Variants in RNGTT observed in about 807,000 individuals in gnomAD.
RNGTT encodes mRNA-capping enzyme.
A neutral mutation model predicts 79.3 loss-of-function variants in RNGTT; 33 were observed. That is an observed-to-expected ratio of 0.42 (90% confidence interval 0.32 to 0.56). The LOEUF is 0.56. Ranked by LOEUF, RNGTT falls within the 20% of genes least tolerant of loss-of-function variation. RNGTT has a pLI of 0.17. For synonymous variants in RNGTT, 222 were observed against 235.9 expected (o/e 0.94, Z 0.54); for missense variants, 497 against 739.1 (o/e 0.67, Z 3.80).
chr6:88,863,292 T>C (rs562876232), intron 8 of RNGTT, among the ~76,000 whole-genome samples: 1 of 152,210 alleles, frequency 6.6e-6, no homozygotes, highest in Non-Finnish European at 1.5e-5. Context: ...GTCTTCTACA[T>C]AAGCATAGCC....
chr6:88,941,240 A>G (rs949177492), intron 1 of RNGTT, 60 bp from the exon 2 acceptor site: 4 of 1,126,918 alleles, frequency 3.5e-6, no homozygotes, highest in Admixed American at 2.1e-5. Flanking sequence ...TTAAAATTCT[A>G]TAATTAACAA....
chr6:88,769,867 T>A lies in RNGTT; in HGVS notation c.1346A>T (p.Lys449Ile), dbSNP rs1293610678. Residue 449 changes from lysine to isoleucine, a missense_variant, in exon 13 of 16, where the codon AAA becomes ATA. By Grantham distance (102) the Lys-to-Ile change is moderately radical. Coordinates refer to ENST00000369485, the MANE Select transcript of RNGTT (RefSeq NM_003800.5). The stretch of plus-strand genomic sequence containing the variant: ...CAAAATATCATCACATCGACCAGGT[T>A]TGTATTTCTAAAGCCAATTAAAATG... ...GLIFQPTGKY[K>I]PGRCDDILKW... 1 of 1,608,090 alleles carries A rather than the reference T, an allele frequency of 6.2e-7. No homozygotes were observed. Among genetic ancestry groups the A allele is most frequent in the Non-Finnish European group, 8.5e-7 (1 of 1,175,840 alleles).
chr6:88,673,790 T>C (rs1012323442), intron 14 of RNGTT, among the ~76,000 whole-genome samples: 2 of 152,232 alleles, frequency 1.3e-5, no homozygotes, highest in Non-Finnish European at 2.9e-5. Flanking sequence ...GAGACTGTGC[T>C]TTTGAGACAC....
In RNGTT at chr6:88,764,921, G is replaced by A. The variant is rs371090695; in HGVS notation, c.1439+4853C>T. 5.3e-4 allele frequency among the ~76,000 whole-genome samples: 81 copies of A among 152,150 alleles called. 3 individuals are homozygous for A. The East Asian group carries it at 9.9e-3, about 19-fold the overall frequency. On this transcript the variant is annotated intron_variant, in intron 13 of 15. Transcript: ENST00000369485. ...AAAAATTACATTTTGGGCCAGGTGC[G>A]GTGGCTCACACCTGTAATCCCAGCA...
chr6:88,787,122 T>G lies in RNGTT; in HGVS notation c.1338+14442A>C, dbSNP rs183288174. On this transcript the variant is annotated intron_variant, in intron 12 of 15. Transcript: ENST00000369485. ...GTTACAGCACCCCAAACTGACTAAT[T>G]GACTGTTTATATTATTGTTTATATC... is the stretch of plus-strand genomic sequence containing the variant. Among the ~76,000 whole-genome samples, 18 of 152,348 alleles carry G rather than the reference T, an allele frequency of 1.2e-4. No individual in the cohort carries two copies. In the East Asian group the frequency reaches 3.1e-3, roughly 26 times the overall value.
At position 88,763,839 on chromosome 6, in the gene RNGTT, G is replaced by A. The variant is rs192676605; in HGVS notation, c.1439+5935C>T. ...ACTATCAGTGGATACTAAAAAGGAC[G>A]TTACAAAGATTAACAATCACTGTGG... On this transcript the variant is annotated intron_variant, in intron 13 of 15. Transcript: ENST00000369485. Among the ~76,000 whole-genome samples the A allele has an allele frequency of 3.3e-5, 5 of 152,276 alleles. No individual in the cohort carries two copies. The East Asian group carries it at 7.7e-4, about 24-fold the overall frequency.
rs185052212 is a variant in RNGTT at position 88,719,664 on chromosome 6, A to C, written c.1440-41245T>G. Among the ~76,000 whole-genome samples, 479 of 152,298 alleles carry C rather than the reference A, an allele frequency of 3.1e-3. 4 individuals carry two copies. The highest frequency in any genetic ancestry group is 0.011 in the African/African-American group (461 of 41,566). On this transcript the variant is annotated intron_variant, in intron 13 of 15. Transcript: ENST00000369485. ...CAGCTTGGCTAAAGAACTCAATTTAAATTTTATCTATATTAAAAAGCCTCT... is the reference window on the plus strand; with the variant it reads ...CAGCTTGGCTAAAGAACTCAATTTACATTTTATCTATATTAAAAAGCCTCT...
At chr6:88,751,548 G>T (rs1183951981) in intron 13 of RNGTT, among the ~76,000 whole-genome samples, 1 of 152,044 alleles carries the variant, frequency 6.6e-6, no homozygotes, top group Non-Finnish European at 1.5e-5. Flanking sequence ...TTTGATGACT[G>T]AAAACATGTT....
chr6:88,779,147 A>G (rs1212523912), intron 12 of RNGTT, among the ~76,000 whole-genome samples: 2 of 152,198 alleles, frequency 1.3e-5, no homozygotes, highest in African/African-American at 4.8e-5. Context: ...TAAAGGGTCA[A>G]AAAAAGTAAG....
At chr6:88,880,176 CTGAA>C (rs57548721) in intron 8 of RNGTT, among the ~76,000 whole-genome samples, 114,713 of 149,398 alleles carry the variant, frequency 0.77, 44,278 homozygotes, top group East Asian at 0.91. Flanking sequence ...AATATAATTT[CTGAA>C]TGAATGAATG....
At chr6:88,675,462 C>T (rs1044973041) in intron 14 of RNGTT, among the ~76,000 whole-genome samples, 1 of 151,940 alleles carries the variant, frequency 6.6e-6, no homozygotes, top group African/African-American at 2.4e-5. Flanking sequence ...GAGGCCAAGG[C>T]GGGAGGATTG....
intron 6 of RNGTT, among the ~76,000 whole-genome samples, chr6:88,903,129 A>C (rs993434334): frequency 6.6e-6 from 1 of 152,266 alleles, no homozygotes; most frequent in African/African-American, 2.4e-5. Flanking sequence ...ACAAAAAAAG[A>C]GTAAGACAAT....
chr6:88,696,675 A>C (rs1267944109), intron 13 of RNGTT, among the ~76,000 whole-genome samples: 5 of 152,000 alleles, frequency 3.3e-5, no homozygotes, highest in African/African-American at 1.2e-4. Flanking sequence ...AAATGGAATA[A>C]ATCTTTTATT....
intron 11 of RNGTT, among the ~76,000 whole-genome samples, chr6:88,831,995 G>A (rs555076962): frequency 6.6e-5 from 10 of 152,106 alleles, no homozygotes; most frequent in South Asian, 4.1e-4. Context: ...AATCAATATC[G>A]TGAAAATGGC....
chr6:88,877,016 G>C (rs1023599757), intron 8 of RNGTT, among the ~76,000 whole-genome samples: 1 of 152,112 alleles, frequency 6.6e-6, no homozygotes, highest in Non-Finnish European at 1.5e-5. Context: ...CTATTTAAGG[G>C]ACCTTTTTAT....
intron 12 of RNGTT, among the ~76,000 whole-genome samples, chr6:88,785,564 T>A (rs1779202939): frequency 6.6e-6 from 1 of 152,170 alleles, no homozygotes; most frequent in Non-Finnish European, 1.5e-5. Context: ...AATTATATTT[T>A]TCAATAAAAG....
chr6:88,739,280 G>C (rs1046664543), intron 13 of RNGTT, among the ~76,000 whole-genome samples: 1 of 152,066 alleles, frequency 6.6e-6, no homozygotes, highest in African/African-American at 2.4e-5. Flanking sequence ...TTAAATTAGA[G>C]GATTCTTCAT....
chr6:88,801,555 T>G lies in RNGTT; in HGVS notation c.1338+9A>C. On this transcript the variant is annotated intron_variant, in intron 12 of 15. Transcript: ENST00000369485. ...AAACGAACACACACACACAGACAAA[T>G]GAACTTACTCCAGTAGGCTGAAAAA... 2 of 1,604,490 alleles carry G rather than the reference T, an allele frequency of 1.2e-6. No homozygotes were observed. Among genetic ancestry groups the G allele is most frequent in the Non-Finnish European group, 8.5e-7 (1 of 1,173,612 alleles).
intron 13 of RNGTT, among the ~76,000 whole-genome samples, chr6:88,749,973 C>T (rs1301908512): frequency 6.6e-6 from 1 of 152,086 alleles, no homozygotes; most frequent in Non-Finnish European, 1.5e-5. Flanking sequence ...TCAGTCTCTG[C>T]CTCCATAGTC....
Sources: allele counts gnomAD v4.1 joint callset (sites outside exome capture counted in the v4.1 genomes callset), GRCh38; gene constraint gnomAD v4.1.1; transcripts MANE v1.5; gene names NCBI Gene and HGNC (gene_info 2026-07-23, HGNC 2026-07-21).